The following HIP1 variants were observed in gnomAD, a reference collection of about 807,000 sequenced individuals.
HIP1 encodes huntingtin interacting protein 1.
Under a neutral mutation model 147.6 loss-of-function variants are expected in HIP1, and 65 were observed. That is an observed-to-expected ratio of 0.44 (90% CI 0.36 to 0.54). HIP1 has a LOEUF of 0.54. Ranked by LOEUF, HIP1 falls within the 20% of genes least tolerant of loss-of-function variation. HIP1 has a pLI of 0.00. For missense variants in HIP1, 1,061 were observed against 1,299.6 expected, an observed-to-expected ratio of 0.82 and a Z score of 2.82; for synonymous variants, 479 against 504.0, an observed-to-expected ratio of 0.95 and a Z score of 0.67.
intron 1 of HIP1, chr7:75,625,417 G>C (rs1554507846): frequency 6.6e-6 from 1 of 152,530 alleles, no homozygotes; most frequent in Non-Finnish European, 1.5e-5. Context: ...GGTGGGTATG[G>C]ACTGTATGGA....
chr7:75,639,050 C>A, intron 1 of HIP1: 1 of 983,300 alleles, frequency 1.0e-6, no homozygotes, highest in Non-Finnish European at 1.2e-6. Context: ...CTCACACTTA[C>A]CATCTTGCTC....
intron 2 of HIP1, among the ~76,000 whole-genome samples, chr7:75,594,664 C>T (rs587697947): frequency 3.0e-4 from 45 of 152,240 alleles, no homozygotes; most frequent in African/African-American, 1.0e-3. Context: ...ATCCCACCTA[C>T]TCGGGAGGCT....
At chr7:75,610,574 C>T (rs1478743407) in intron 1 of HIP1, among the ~76,000 whole-genome samples, 4 of 151,848 alleles carry the variant, frequency 2.6e-5, no homozygotes, top group South Asian at 4.1e-4. Context: ...ATTACCTTCC[C>T]TCCCTACCCA....
chr7:75,603,034 C>T (rs1239387148), intron 1 of HIP1, among the ~76,000 whole-genome samples: 5 of 151,828 alleles, frequency 3.3e-5, no homozygotes, highest in South Asian at 2.1e-4. Flanking sequence ...GGACAGCCAG[C>T]GGCCACGAGA....
At chr7:75,597,063 T>A (rs1167186644) in intron 2 of HIP1, among the ~76,000 whole-genome samples, 2 of 152,170 alleles carry the variant, frequency 1.3e-5, no homozygotes, top group Non-Finnish European at 2.9e-5. Context: ...CTTTGAATCA[T>A]CGCAAGGGTA....
At chr7:75,702,993 G>A in intron 1 of HIP1, among the ~76,000 whole-genome samples, 1 of 152,114 alleles carries the variant, frequency 6.6e-6, no homozygotes, top group South Asian at 2.1e-4. Flanking sequence ...TTTGAAGGAG[G>A]TCAAACATCC....
intron 2 of HIP1, among the ~76,000 whole-genome samples, chr7:75,594,008 G>C (rs60377153): frequency 6.6e-6 from 1 of 151,006 alleles, no homozygotes; most frequent in African/African-American, 2.4e-5. Context: ...AGGGTGGAGC[G>C]CGGTGGCTCA....
rs587719280 is a variant in HIP1, at chr7:75,572,492, G to A, written c.745+1269C>T. Among the ~76,000 whole-genome samples the A allele has an allele frequency of 7.9e-5, 12 of 152,290 alleles. 1 individual carries two copies. The South Asian group carries it at 1.0e-3, about 13-fold the overall frequency. ...TATTTGTGCTGTTCGTAGGATGCACGACATACTTGTTGAATGGTGACGTGC... is the reference window on the plus strand; with the variant it reads ...TATTTGTGCTGTTCGTAGGATGCACAACATACTTGTTGAATGGTGACGTGC... On this transcript the variant is annotated intron_variant, in intron 8 of 30. Transcript: ENST00000336926.
chr7:75,583,798 GTGTGTGTT>G (rs1796149338), intron 5 of HIP1, among the ~76,000 whole-genome samples: 1 of 148,900 alleles, frequency 6.7e-6, no homozygotes, highest in Admixed American at 6.7e-5. Flanking sequence ...GTGTGTGTGT[GTGTGTGTT>G]TAGTAGAGAT....
At chr7:75,548,185 C>T (rs906473379) in intron 23 of HIP1, among the ~76,000 whole-genome samples, 6 of 152,142 alleles carry the variant, frequency 3.9e-5, no homozygotes, top group African/African-American at 7.2e-5. Flanking sequence ...CGCGCCACCA[C>T]GCCCAGCTAA....
At chr7:75,619,419 G>T (rs376353191) in intron 1 of HIP1, among the ~76,000 whole-genome samples, 33 of 151,168 alleles carry the variant, frequency 2.2e-4, no homozygotes, top group Non-Finnish European at 4.6e-4. Flanking sequence ...CCAGCTACTC[G>T]GGAGTCTGAG....
chr7:75,553,203 G>A (rs1461590810), intron 22 of HIP1, among the ~76,000 whole-genome samples: 1 of 151,998 alleles, frequency 6.6e-6, no homozygotes, highest in South Asian at 2.1e-4. Flanking sequence ...CTCCCAAAGT[G>A]CTGGGATTAC....
intron 1 of HIP1, among the ~76,000 whole-genome samples, chr7:75,673,884 G>A (rs1415692166): frequency 6.6e-6 from 1 of 151,472 alleles, no homozygotes; most frequent in African/African-American, 2.4e-5. Context: ...TACTCGAGAG[G>A]CTGAGGTTGG....
chr7:75,639,223 A>G (rs1346425926), intron 1 of HIP1: 5 of 978,244 alleles, frequency 5.1e-6, no homozygotes, highest in Non-Finnish European at 6.0e-6. Context: ...CGGCGGCACC[A>G]AGGCTGGACC....
At chr7:75,727,407 T>C (rs1554522478) in intron 1 of HIP1, among the ~76,000 whole-genome samples, 2 of 151,560 alleles carry the variant, frequency 1.3e-5, no homozygotes, top group East Asian at 1.9e-4. Flanking sequence ...TTTCTTTCTT[T>C]CTTTTTTTTT....
At chr7:75,682,110 C>A (rs1800103260) in intron 1 of HIP1, among the ~76,000 whole-genome samples, 1 of 149,000 alleles carries the variant, frequency 6.7e-6, no homozygotes. Flanking sequence ...ACGGGCACAC[C>A]ACCACACCCA....
chr7:75,635,910 C>G (rs1798409006), intron 1 of HIP1, among the ~76,000 whole-genome samples: 1 of 150,470 alleles, frequency 6.6e-6, no homozygotes, highest in Non-Finnish European at 1.5e-5. Flanking sequence ...GTAATCCCAG[C>G]TACCCAGGAG....
At chr7:75,605,715 T>C (rs1205864190) in intron 1 of HIP1, among the ~76,000 whole-genome samples, 2 of 152,154 alleles carry the variant, frequency 1.3e-5, no homozygotes, top group African/African-American at 4.8e-5. Context: ...TTTGTATTTT[T>C]AGTAGAGACA....
intron 22 of HIP1, among the ~76,000 whole-genome samples, chr7:75,550,694 A>T (rs1336227732): frequency 6.6e-6 from 1 of 152,142 alleles, no homozygotes; most frequent in East Asian, 1.9e-4. Flanking sequence ...ATTTTCAGAC[A>T]TGTGCCACTA....
Sources: allele counts gnomAD v4.1 joint callset (sites outside exome capture counted in the v4.1 genomes callset), GRCh38; gene constraint gnomAD v4.1.1; transcripts MANE v1.5; gene names NCBI Gene and HGNC (gene_info 2026-07-23, HGNC 2026-07-21).